Variants in NCAM1 observed in about 807,000 individuals in gnomAD.
NCAM1 encodes the protein antigen recognized by monoclonal antibody 5.1H11.
NCAM1 carries 14 observed loss-of-function variants against 109.8 expected under a neutral mutation model. The observed-to-expected ratio is 0.13, with a 90% CI of 0.08 to 0.20. NCAM1 has a LOEUF of 0.20. Ranked by LOEUF, NCAM1 falls within the 10% of genes least tolerant of loss-of-function variation. The pLI, the probability that NCAM1 is intolerant of heterozygous loss-of-function variation, is 1.00. For missense variants in NCAM1, 774 were observed against 1,109.9 expected, an observed-to-expected ratio of 0.70 and a Z score of 4.30; for synonymous variants, 418 against 442.9, an observed-to-expected ratio of 0.94 and a Z score of 0.70.
chr11:113,121,225 C>CTTTTTTTT (rs3051885), intron 1 of NCAM1, among the ~76,000 whole-genome samples: 3 of 125,302 alleles, frequency 2.4e-5, no homozygotes, highest in Non-Finnish European at 3.2e-5. Flanking sequence ...CAACACCAAT[C>CTTTTTTTT]TTTTTTTTTT....
chr11:113,222,610 G>A (rs868921839), intron 9 of NCAM1, among the ~76,000 whole-genome samples: 12 of 152,290 alleles, frequency 7.9e-5, no homozygotes, highest in Admixed American at 4.6e-4. Flanking sequence ...ACTGGGATTG[G>A]GGAAGAGAGA....
At chr11:112,991,663 G>A (rs1339508896) in intron 1 of NCAM1, among the ~76,000 whole-genome samples, 1 of 152,108 alleles carries the variant, frequency 6.6e-6, no homozygotes, top group East Asian at 1.9e-4. Context: ...GACAGCCTCT[G>A]GGACTCCCGA....
chr11:113,269,851 G>A, intron 17 of NCAM1: 1 of 366,266 alleles, frequency 2.7e-6, no homozygotes, highest in Non-Finnish European at 5.1e-6. Context: ...TGGTCCAGGG[G>A]AAACACAGCA....
rs373282825 is a variant in NCAM1, at chr11:113,260,317, A to G, written c.2125A>G (p.Ile709Val). The part of the protein sequence containing the change: ...VFRTSAQPTA[I>V]PANGSPTSGL... ...CAGGACCTCGGCCCAGCCCACAGCCATCCCAGGTATGGCTGCCTCTGCTTT... is the reference window on the plus strand; with the variant it reads ...CAGGACCTCGGCCCAGCCCACAGCCGTCCCAGGTATGGCTGCCTCTGCTTT... The change falls in exon 17 of 20, where the codon ATC (isoleucine) becomes GTC (valine). Residue 709 changes from isoleucine (I) to valine (V), a missense_variant. Ile to Val is a conservative substitution (Grantham distance 29, BLOSUM62 3). This residue lies in a region of NCAM1 where 523 missense variants were observed against 784.2 expected (regional missense o/e 0.67). Coordinates refer to ENST00000316851, the MANE Select transcript of NCAM1 (RefSeq NM_181351.5). 1 of 1,611,308 alleles carries G rather than the reference A, an allele frequency of 6.2e-7. No homozygotes were observed. The highest frequency in any genetic ancestry group is 2.2e-5 in the East Asian group (1 of 44,832).
intron 1 of NCAM1, among the ~76,000 whole-genome samples, chr11:113,059,408 A>T (rs1953838376): frequency 6.6e-6 from 1 of 152,100 alleles, no homozygotes; most frequent in Non-Finnish European, 1.5e-5. Flanking sequence ...TTTAATTGGA[A>T]ATTTTGTGCC....
chr11:112,982,534 G>A lies in NCAM1; in HGVS notation c.52+20870G>A, dbSNP rs148209520. Reference sequence around the variant, plus strand: ...TACAGTCTGGAAAACCAGTAGTCAGGGGGTAGGAGGAGCTACTGTAGAGGC... The same window carrying A: ...TACAGTCTGGAAAACCAGTAGTCAGAGGGTAGGAGGAGCTACTGTAGAGGC... On this transcript the variant is annotated intron_variant, in intron 1 of 19. Coordinates refer to ENST00000316851, the MANE Select transcript of NCAM1 (RefSeq NM_181351.5). Among the ~76,000 whole-genome samples the A allele has an allele frequency of 3.7e-3, 565 of 151,890 alleles. 5 individuals are homozygous for A. Among genetic ancestry groups the A allele is most frequent in the African/African-American group, 0.013 (546 of 41,476 alleles).
At chr11:113,260,010 A>C in intron 16 of NCAM1, 136 bp from the exon 17 acceptor site, 1 of 755,786 alleles carries the variant, frequency 1.3e-6, no homozygotes, top group Non-Finnish European at 2.1e-6. Flanking sequence ...CACCCCCATC[A>C]TTGCTTCTTA....
At chr11:113,224,388 G>C (rs2137129074) in intron 9 of NCAM1, among the ~76,000 whole-genome samples, 2 of 152,340 alleles carry the variant, frequency 1.3e-5, no homozygotes, top group South Asian at 4.1e-4. Flanking sequence ...CTGGGGGAGG[G>C]GCGCCCGCCA....
chr11:113,116,181 C>T (rs1940699365), intron 1 of NCAM1, among the ~76,000 whole-genome samples: 1 of 152,214 alleles, frequency 6.6e-6, no homozygotes, highest in Non-Finnish European at 1.5e-5. Context: ...AGGGCTGTCT[C>T]ATACTAATTC....
intron 1 of NCAM1, among the ~76,000 whole-genome samples, chr11:113,117,846 T>G (rs1349582368): frequency 6.6e-6 from 1 of 151,940 alleles, no homozygotes; most frequent in Non-Finnish European, 1.5e-5. Flanking sequence ...CTTGACATTG[T>G]CTGAAATTTT....
In NCAM1 at chr11:113,207,963, G is replaced by C. The variant is rs1944286010; in HGVS notation, c.877G>C (p.Ala293Pro). The C allele has an allele frequency of 6.2e-7, 1 of 1,611,818 alleles. No individual in the cohort carries two copies. The change falls in exon 7 of 20, where the codon GCT becomes CCT. Residue 293 changes from alanine to proline, a missense_variant. Physicochemically the swap from Ala to Pro is conservative, Grantham distance 27. This residue lies in a region of NCAM1 where 523 missense variants were observed against 784.2 expected (regional missense o/e 0.67). Transcript: ENST00000316851. ...GTACATCTGCATTGCTGAGAACAAGGCTGGCGAGCAGGATGCGACCATCCA... is the reference window on the plus strand; with the variant it reads ...GTACATCTGCATTGCTGAGAACAAGCCTGGCGAGCAGGATGCGACCATCCA... ...AEYICIAENKAGEQDATIHLK... is the reference protein window; with the variant it reads ...AEYICIAENKPGEQDATIHLK...
intron 1 of NCAM1, among the ~76,000 whole-genome samples, chr11:113,182,262 C>A (rs1230483623): frequency 6.6e-6 from 1 of 152,262 alleles, no homozygotes; most frequent in East Asian, 1.9e-4. Flanking sequence ...TACCAGATGG[C>A]AATATGTCCA....
chr11:113,040,683 C>T (rs1050466120), intron 1 of NCAM1, among the ~76,000 whole-genome samples: 1 of 152,146 alleles, frequency 6.6e-6, no homozygotes, highest in African/African-American at 2.4e-5. Context: ...TATTTAGAAA[C>T]CATCAATACA....
intron 14 of NCAM1, chr11:113,236,233 A>T (rs1249159183): frequency 6.3e-5 from 85 of 1,355,578 alleles, no homozygotes; most frequent in Middle Eastern, 1.8e-4. Flanking sequence ...TTTACATCTT[A>T]TTTTTTTTTT....
chr11:113,094,680 G>T (rs978593581), intron 1 of NCAM1, among the ~76,000 whole-genome samples: 2 of 152,078 alleles, frequency 1.3e-5, no homozygotes, highest in Non-Finnish European at 2.9e-5. Flanking sequence ...CCCTGTCTGG[G>T]GTCTATTTTT....
intron 1 of NCAM1, among the ~76,000 whole-genome samples, chr11:113,145,041 GAT>G (rs1479198530): frequency 6.6e-6 from 1 of 152,144 alleles, no homozygotes; most frequent in Non-Finnish European, 1.5e-5. Flanking sequence ...ACCTGAGAAA[GAT>G]AGATACCTCC....
At chr11:113,108,170 G>C (rs1243217623) in intron 1 of NCAM1, among the ~76,000 whole-genome samples, 1 of 152,054 alleles carries the variant, frequency 6.6e-6, no homozygotes, top group African/African-American at 2.4e-5. Flanking sequence ...ATGGACCCTA[G>C]TGTATGCATA....
At chr11:113,257,449 G>A (rs1056078181) in intron 16 of NCAM1, among the ~76,000 whole-genome samples, 2 of 152,194 alleles carry the variant, frequency 1.3e-5, no homozygotes, top group African/African-American at 2.4e-5. Context: ...TATAATATAT[G>A]CAAAGAACCT....
chr11:113,158,746 C>CA (rs1942501566), intron 1 of NCAM1, among the ~76,000 whole-genome samples: 1 of 152,200 alleles, frequency 6.6e-6, no homozygotes, highest in African/African-American at 2.4e-5. Flanking sequence ...GTGTAGTAGA[C>CA]ATGCTGTACA....
Sources: gnomAD v4.1 joint callset for allele counts (sites outside exome capture counted in the v4.1 genomes callset) on GRCh38, gnomAD v4.1.1 for gene constraint, gnomAD v4.1.1 regional missense constraint, MANE v1.5 for transcripts, NCBI Gene and HGNC (gene_info 2026-07-23, HGNC 2026-07-21) for gene names.